Variants in USH2A observed in about 807,000 individuals in gnomAD.
The protein encoded by USH2A is Usher syndrome 2A (autosomal recessive, mild).
Under a neutral mutation model 538.9 loss-of-function variants are expected in USH2A, and 443 were observed. That is an observed-to-expected ratio of 0.82 (90% CI 0.76 to 0.89). USH2A has a LOEUF of 0.89. Ranked by LOEUF, USH2A falls within the 40% of genes least tolerant of loss-of-function variation. The probability of loss-of-function intolerance (pLI) is 0.00; values close to 1 mark genes in which losing one functional copy is unlikely to be tolerated. For synonymous variants in USH2A, 2,413 were observed against 2,273.5 expected (o/e 1.06, Z -1.75); for missense variants, 6,633 against 6,324.8 (o/e 1.05, Z -1.65).
chr1:216,110,230 T>A (rs923969924), intron 21 of USH2A, among the ~76,000 whole-genome samples: 4 of 152,178 alleles, frequency 2.6e-5, no homozygotes, highest in Non-Finnish European at 5.9e-5. Flanking sequence ...CAGTGTCATA[T>A]GCCTATAGTC....
At chr1:215,971,259 A>C (rs1043617498) in intron 35 of USH2A, among the ~76,000 whole-genome samples, 3 of 152,160 alleles carry the variant, frequency 2.0e-5, no homozygotes, top group Non-Finnish European at 2.9e-5. Context: ...TAGCATTCCT[A>C]TAACAGGCAA....
intron 67 of USH2A, among the ~76,000 whole-genome samples, chr1:215,643,185 A>T (rs151215105): frequency 1.3e-5 from 2 of 151,884 alleles, no homozygotes; most frequent in Non-Finnish European, 2.9e-5. Flanking sequence ...TTTAGTAGAG[A>T]TGGGGTTTCA....
chr1:216,030,497 CAGATATATAAATGATATAT>C (rs1017180602), intron 32 of USH2A, among the ~76,000 whole-genome samples: 1 of 127,632 alleles, frequency 7.8e-6, no homozygotes, highest in African/African-American at 3.0e-5. Flanking sequence ...ATATATATCA[CAGATATATAAATGATATAT>C]AGATATATAT....
Position 215,741,362 on chromosome 1 carries a change from C to T in USH2A, c.11711+13G>A, listed in dbSNP as rs1430046608. ...CTTAAATAACTAAAAATAATAGTAACAGCCAATCTTACCTGTAAATAAAGT... is the reference window on the plus strand; with the variant it reads ...CTTAAATAACTAAAAATAATAGTAATAGCCAATCTTACCTGTAAATAAAGT... On this transcript the variant is annotated intron_variant, in intron 60 of 71. Transcript: ENST00000307340. The T allele has an allele frequency of 1.2e-6, 2 of 1,612,782 alleles. No homozygotes were observed. The highest frequency in any genetic ancestry group is 1.7e-5 in the Admixed American group (1 of 59,964).
intron 9 of USH2A, among the ~76,000 whole-genome samples, chr1:216,319,012 G>A (rs568172979): frequency 1.3e-5 from 2 of 152,248 alleles, no homozygotes; most frequent in South Asian, 2.1e-4. Context: ...GACTAATACC[G>A]ACTGACTAGT....
chr1:216,157,813 G>A (rs1415177828), intron 21 of USH2A, among the ~76,000 whole-genome samples: 3 of 152,116 alleles, frequency 2.0e-5, no homozygotes, highest in Non-Finnish European at 4.4e-5. Context: ...AAGGGAGGGA[G>A]GGGACTGTAA....
At chr1:215,854,257 T>G (rs1397084955) in intron 44 of USH2A, among the ~76,000 whole-genome samples, 1 of 152,160 alleles carries the variant, frequency 6.6e-6, no homozygotes, top group African/African-American at 2.4e-5. Flanking sequence ...CTCATTAGAC[T>G]TATTCACTAT....
intron 44 of USH2A, among the ~76,000 whole-genome samples, chr1:215,866,332 C>T (rs1285194107): frequency 1.3e-5 from 2 of 152,154 alleles, no homozygotes; most frequent in African/African-American, 4.8e-5. Flanking sequence ...ACTGTGGTTT[C>T]TAACGTTGCA....
At chr1:216,301,574 C>T (rs557285090) in intron 9 of USH2A, among the ~76,000 whole-genome samples, 1 of 152,208 alleles carries the variant, frequency 6.6e-6, no homozygotes, top group African/African-American at 2.4e-5. Flanking sequence ...TCTGCTGAGT[C>T]TAAACTGGAC....
chr1:215,847,522 G>A (rs147919438), intron 44 of USH2A, among the ~76,000 whole-genome samples: 10 of 152,034 alleles, frequency 6.6e-5, no homozygotes, highest in African/African-American at 1.9e-4. Flanking sequence ...GCACACACCT[G>A]TAGTCCCAGC....
In USH2A at chr1:216,073,514, A is replaced by G. The variant is rs1045716170; in HGVS notation, c.5573-214T>C. On this transcript the variant is annotated intron_variant, in intron 27 of 71. Coordinates refer to ENST00000307340, the MANE Select transcript of USH2A (RefSeq NM_206933.4). ...TATAGTTCTGTTATTTGGAAAACAC[A>G]TTAATGGATAATTCTAATTTAACTT... 3.3e-5 allele frequency among the ~76,000 whole-genome samples: 5 copies of G among 152,214 alleles called. No individual in the cohort carries two copies. The South Asian group carries it at 6.2e-4, about 19-fold the overall frequency.
At chr1:216,060,917 G>C (rs985182023) in intron 30 of USH2A, among the ~76,000 whole-genome samples, 1 of 152,152 alleles carries the variant, frequency 6.6e-6, no homozygotes, top group South Asian at 2.1e-4. Context: ...ATGTTAACAG[G>C]GCTGCAGGAA....
chr1:215,885,344 A>T (rs1249846857), intron 41 of USH2A, among the ~76,000 whole-genome samples: 2 of 152,162 alleles, frequency 1.3e-5, no homozygotes, highest in African/African-American at 4.8e-5. Flanking sequence ...GTCCTTGTAT[A>T]TCATTCTTTT....
intron 47 of USH2A, among the ~76,000 whole-genome samples, chr1:215,817,820 C>G (rs1342118429): frequency 2.0e-5 from 3 of 151,982 alleles, no homozygotes; most frequent in Non-Finnish European, 2.9e-5. Context: ...CAACAACTAT[C>G]CACAGCGGAC....
chr1:215,658,264 T>C (rs1328651403), intron 64 of USH2A, among the ~76,000 whole-genome samples: 1 of 152,014 alleles, frequency 6.6e-6, no homozygotes, highest in Non-Finnish European at 1.5e-5. Context: ...TTTTTTTTTT[T>C]TCTTATATCT....
At chr1:216,331,106 A>AGCAAGTTT (rs138531160) in intron 4 of USH2A, among the ~76,000 whole-genome samples, 1,633 of 152,230 alleles carry the variant, frequency 0.011, 20 homozygotes, top group East Asian at 0.036. Flanking sequence ...AAAGAGTTAC[A>AGCAAGTTT]GCAAGTTTTC....
At chr1:216,046,372 T>C (rs2030520499) in intron 32 of USH2A, 59 bp downstream of exon 32, 1 of 1,602,322 alleles carries the variant, frequency 6.2e-7, no homozygotes, top group East Asian at 2.2e-5. Context: ...GCCAACTATA[T>C]GTATGTTTAT....
intron 62 of USH2A, among the ~76,000 whole-genome samples, chr1:215,678,732 ACG>A (rs369133848): frequency 8.1e-4 from 123 of 151,468 alleles, no homozygotes; most frequent in East Asian, 2.1e-3. Flanking sequence ...ACACACACAC[ACG>A]CACGTGCACT....
At chr1:216,184,749 T>A (rs1393765030) in intron 20 of USH2A, among the ~76,000 whole-genome samples, 1 of 151,984 alleles carries the variant, frequency 6.6e-6, no homozygotes, top group Non-Finnish European at 1.5e-5. Context: ...TAAGAGTGCT[T>A]GTTTAATCAC....
Sources: gnomAD v4.1 joint callset for allele counts (sites outside exome capture counted in the v4.1 genomes callset) on GRCh38, gnomAD v4.1.1 for gene constraint, MANE v1.5 for transcripts, NCBI Gene and HGNC (gene_info 2026-07-23, HGNC 2026-07-21) for gene names.